CDH13: variants seen among roughly 807,000 people sequenced by gnomAD.
CDH13 encodes the protein cadherin-13.
In CDH13, 24 loss-of-function variants were observed where a neutral mutation model predicts 63.8. That is an observed-to-expected ratio of 0.38 (90% CI 0.27 to 0.53). The LOEUF (loss-of-function observed/expected upper bound fraction) is 0.53. Ranked by LOEUF, CDH13 falls within the 20% of genes least tolerant of loss-of-function variation. The pLI is 0.85. For missense variants in CDH13, 1,049 were observed against 903.1 expected, an observed-to-expected ratio of 1.16 and a Z score of -2.07; for synonymous variants, 503 against 355.3, an observed-to-expected ratio of 1.42 and a Z score of -4.67.
At chr16:83,616,206 G>A (rs758670240) in intron 8 of CDH13, among the ~76,000 whole-genome samples, 6 of 152,092 alleles carry the variant, frequency 3.9e-5, no homozygotes, top group East Asian at 1.9e-4. Flanking sequence ...AAATGCCCAC[G>A]CTGATTATAA....
chr16:82,917,267 C>G (rs757459336), intron 2 of CDH13, among the ~76,000 whole-genome samples: 1 of 152,192 alleles, frequency 6.6e-6, no homozygotes, highest in African/African-American at 2.4e-5. Flanking sequence ...ATGCTGATCT[C>G]CATTGGGTGG....
chr16:83,247,135 T>C (rs536156009), intron 5 of CDH13, among the ~76,000 whole-genome samples: 11 of 152,204 alleles, frequency 7.2e-5, no homozygotes, highest in Non-Finnish European at 1.6e-4. Context: ...TTGGTACCTG[T>C]GCCATCCTGG....
At chr16:83,379,228 G>A (rs766531012) in intron 6 of CDH13, among the ~76,000 whole-genome samples, 2 of 152,122 alleles carry the variant, frequency 1.3e-5, no homozygotes, top group Non-Finnish European at 2.9e-5. Context: ...ACTGTATATG[G>A]TTTAGAAGGG....
At chr16:83,645,740 C>G (rs1240261977) in intron 8 of CDH13, among the ~76,000 whole-genome samples, 1 of 151,892 alleles carries the variant, frequency 6.6e-6, no homozygotes, top group Non-Finnish European at 1.5e-5. Flanking sequence ...GTGGCCCGTT[C>G]TTGGTGGTAG....
chr16:82,958,574 C>T (rs950803794), intron 2 of CDH13, among the ~76,000 whole-genome samples: 4 of 152,108 alleles, frequency 2.6e-5, no homozygotes, highest in Admixed American at 6.5e-5. Context: ...ATGAGTAAAA[C>T]GTTAGGCATG....
chr16:83,200,965 G>GTGTGTGTGTGTGTGTGTC (rs34095925), intron 4 of CDH13, among the ~76,000 whole-genome samples: 1 of 144,368 alleles, frequency 6.9e-6, no homozygotes, highest in Non-Finnish European at 1.5e-5. Context: ...GTGTGTGTGT[G>GTGTGTGTGTGTGTGTGTC]TGTGTGTTAT....
intron 4 of CDH13, among the ~76,000 whole-genome samples, chr16:83,160,804 C>T (rs554584026): frequency 6.6e-6 from 1 of 152,298 alleles, no homozygotes; most frequent in East Asian, 1.9e-4. Flanking sequence ...CCATGGCAAC[C>T]TGCATTTTTA....
chr16:83,289,374 G>A (rs185729816), intron 5 of CDH13, among the ~76,000 whole-genome samples: 81 of 152,240 alleles, frequency 5.3e-4, no homozygotes, highest in African/African-American at 1.9e-3. Context: ...TGGTAACTGT[G>A]GGTGTACATC....
At chr16:83,285,617 T>A (rs1188183417) in intron 5 of CDH13, among the ~76,000 whole-genome samples, 1 of 152,172 alleles carries the variant, frequency 6.6e-6, no homozygotes, top group Non-Finnish European at 1.5e-5. Context: ...AATCTAGAGA[T>A]GATTTCAAGT....
At chr16:83,721,470 G>T (rs1051891156) in intron 10 of CDH13, 1 of 152,250 alleles carries the variant, frequency 6.6e-6, no homozygotes, top group African/African-American at 2.4e-5. Flanking sequence ...CTGCCATTGG[G>T]TCTGAGACCC....
intron 3 of CDH13, among the ~76,000 whole-genome samples, chr16:83,099,844 G>A (rs1241432854): frequency 1.3e-5 from 2 of 152,116 alleles, no homozygotes; most frequent in African/African-American, 4.8e-5. Context: ...AGACGCGGGA[G>A]AGCACTCAGT....
rs16960264 is a variant in CDH13, at chr16:83,342,555, A to G, written c.637-2307A>G. Among the ~76,000 whole-genome samples the G allele has an allele frequency of 3.1e-3, 472 of 152,326 alleles. 4 individuals are homozygous for G. The highest frequency in any genetic ancestry group is 0.011 in the African/African-American group (456 of 41,580). ...GATTAGTTTTGTAACATAAAATACC[A>G]TTGGATTGTCTGTTTGCATAATTGG... On this transcript the variant is annotated intron_variant, in intron 5 of 13. Coordinates refer to ENST00000567109, the MANE Select transcript of CDH13 (RefSeq NM_001257.5).
At chr16:83,672,342 T>C (rs1478292491) in intron 9 of CDH13, among the ~76,000 whole-genome samples, 6 of 151,278 alleles carry the variant, frequency 4.0e-5, no homozygotes, top group Middle Eastern at 3.2e-3. Flanking sequence ...CACTTTTTGA[T>C]AGATGTCCAT....
At chr16:82,890,452 G>A (rs116377208) in intron 2 of CDH13, among the ~76,000 whole-genome samples, 2,293 of 152,158 alleles carry the variant, frequency 0.015, 49 homozygotes, top group African/African-American at 0.051. Context: ...TGCTAGAGTC[G>A]GAATAAATAA....
chr16:83,309,467 C>G (rs2089952889), intron 5 of CDH13, among the ~76,000 whole-genome samples: 1 of 152,160 alleles, frequency 6.6e-6, no homozygotes, highest in Non-Finnish European at 1.5e-5. Context: ...CCTTCTGCCT[C>G]CCAGCTTCCA....
At chr16:83,082,240 C>G (rs1432061148) in intron 3 of CDH13, among the ~76,000 whole-genome samples, 1 of 152,214 alleles carries the variant, frequency 6.6e-6, no homozygotes, top group Non-Finnish European at 1.5e-5. Context: ...TTATGTCTTT[C>G]TCACATGCAA....
At chr16:82,629,987 G>A (rs1167893658) in intron 1 of CDH13, among the ~76,000 whole-genome samples, 1 of 152,324 alleles carries the variant, frequency 6.6e-6, no homozygotes, top group South Asian at 2.1e-4. Context: ...TTAGGGAGGG[G>A]TTCAGGCTTG....
intron 5 of CDH13, among the ~76,000 whole-genome samples, chr16:83,280,015 C>T (rs1233771878): frequency 6.6e-6 from 1 of 152,134 alleles, no homozygotes; most frequent in Non-Finnish European, 1.5e-5. Context: ...AAGAGTCTTG[C>T]CGCAATGTTG....
chr16:83,713,629 C>G (rs778231211), intron 10 of CDH13, among the ~76,000 whole-genome samples: 1 of 152,052 alleles, frequency 6.6e-6, no homozygotes, highest in Non-Finnish European at 1.5e-5. Flanking sequence ...AAAAGGAAAC[C>G]TAACTCAAAC....
Sources: allele counts gnomAD v4.1 joint callset (sites outside exome capture counted in the v4.1 genomes callset), GRCh38; gene constraint gnomAD v4.1.1; transcripts MANE v1.5; gene names NCBI Gene and HGNC (gene_info 2026-07-23, HGNC 2026-07-21).